Variants in C8orf34 observed in about 807,000 individuals in gnomAD.
C8orf34 encodes the protein uncharacterized protein C8orf34.
C8orf34 carries 65 observed loss-of-function variants against 68.3 expected under a neutral mutation model. The ratio of observed to expected loss-of-function variants is 0.95; its 90% confidence interval spans 0.78 to 1.17. The LOEUF is 1.17. Among genes scored for constraint, C8orf34 ranks in the 50% most tolerant of loss-of-function variants. The probability of loss-of-function intolerance (pLI) is 0.00; values close to 1 mark genes in which losing one functional copy is unlikely to be tolerated. For missense variants in C8orf34, 664 were observed against 655.4 expected (o/e 1.01, Z -0.14); for synonymous variants, 244 against 241.2 (o/e 1.01, Z -0.11).
At chr8:68,653,820 C>T (rs182290592) in intron 8 of C8orf34, among the ~76,000 whole-genome samples, 112 of 152,224 alleles carry the variant, frequency 7.4e-4, no homozygotes, top group Admixed American at 2.1e-3. Context: ...ACATAATGGG[C>T]TGACACATAC....
intron 7 of C8orf34, among the ~76,000 whole-genome samples, chr8:68,590,551 G>T (rs749342453): frequency 7.9e-5 from 12 of 152,078 alleles, no homozygotes; most frequent in Non-Finnish European, 1.6e-4. Context: ...GTGGGTAGAC[G>T]AAAGAGTCCT....
chr8:68,367,927 A>AAAAAAAAAAAAAAAAT (rs1807374981), intron 1 of C8orf34, among the ~76,000 whole-genome samples: 2 of 148,016 alleles, frequency 1.4e-5, no homozygotes, highest in Non-Finnish European at 3.0e-5. Context: ...AAAAAAAAAA[A>AAAAAAAAAAAAAAAAT]AAAAAAAAAA....
In C8orf34 at chr8:68,746,227, T is replaced by C. The variant is rs1245072688; in HGVS notation, c.1404+24790T>C. Among the ~76,000 whole-genome samples the C allele has an allele frequency of 5.9e-5, 9 of 151,444 alleles. No homozygotes were observed. The East Asian group carries it at 1.8e-3, about 29-fold the overall frequency. On this transcript the variant is annotated intron_variant, in intron 10 of 13. Coordinates refer to ENST00000518698, the MANE Select transcript of C8orf34 (RefSeq NM_052958.4). Reference sequence around the variant, plus strand: ...AACATACCAGAATCTCTCGGACACATTCAAAGCAGTGTGTAGAGGGAAATT... The same window carrying C: ...AACATACCAGAATCTCTCGGACACACTCAAAGCAGTGTGTAGAGGGAAATT...
At chr8:68,494,409 T>C (rs1813436530) in intron 5 of C8orf34, among the ~76,000 whole-genome samples, 1 of 151,848 alleles carries the variant, frequency 6.6e-6, no homozygotes, top group Admixed American at 6.6e-5. Context: ...GAGTGTAGAG[T>C]TTCATTTTGC....
chr8:68,691,648 G>A (rs755916296), intron 8 of C8orf34, among the ~76,000 whole-genome samples: 11 of 152,024 alleles, frequency 7.2e-5, no homozygotes, highest in Non-Finnish European at 1.3e-4. Context: ...TGTGGTTCAT[G>A]TTAGGGAAAA....
In C8orf34 at chr8:68,331,783, C is replaced by CTT. The variant is rs552564162; in HGVS notation, c.327+472_327+473dup. 3.1e-3 allele frequency among the ~76,000 whole-genome samples: 92 copies of CTT among 29,476 alleles called. 13 individuals are homozygous for CTT. Among genetic ancestry groups the CTT allele is most frequent in the East Asian group, 0.011 (16 of 1,460 alleles). The allele number at this position is 29,476 out of a possible 152,430, so 19.3% of individuals were successfully genotyped here. A position where few individuals can be genotyped will look rare whatever the true frequency, so the allele number is the denominator to read the frequency against. ...CTTTTTTCTTTTCTTTTCTTTCCTT[C>CTT]TTTTTTTTTTTTTTTTTTTTTTTTT... On this transcript the variant is annotated intron_variant, in intron 1 of 13. Transcript: ENST00000518698.
intron 8 of C8orf34, chr8:68,695,792 C>G (rs1373540700): frequency 6.6e-6 from 1 of 152,038 alleles, no homozygotes; most frequent in Non-Finnish European, 1.5e-5. Flanking sequence ...GTGTAATTTC[C>G]TTTGTACTTT....
At position 68,779,268 on chromosome 8, in the gene C8orf34, G is replaced by A. The variant is rs1435436822; in HGVS notation, c.1455+2819G>A. ...TAACTGGGAAGCAGCGTAGTATACT[G>A]GTTAAAAATCCCTTTATCATTAGTG... is the stretch of plus-strand genomic sequence containing the variant. On this transcript the variant is annotated intron_variant, in intron 11 of 13. Transcript: ENST00000518698. Among the ~76,000 whole-genome samples, 3 of 151,160 alleles carry A rather than the reference G, an allele frequency of 2.0e-5. No homozygotes were observed. In the East Asian group the frequency reaches 5.8e-4, roughly 29 times the overall value.
At chr8:68,653,107 G>A (rs1265980174) in intron 8 of C8orf34, among the ~76,000 whole-genome samples, 1 of 152,144 alleles carries the variant, frequency 6.6e-6, no homozygotes, top group African/African-American at 2.4e-5. Context: ...TATGTAATAA[G>A]TAAAACATAA....
At chr8:68,724,701 T>A (rs1205274872) in intron 10 of C8orf34, among the ~76,000 whole-genome samples, 2 of 152,144 alleles carry the variant, frequency 1.3e-5, no homozygotes, top group Non-Finnish European at 2.9e-5. Flanking sequence ...GTAAAGCCAT[T>A]TAGTAAACCA....
chr8:68,816,829 A>G (rs1353920269), intron 13 of C8orf34, among the ~76,000 whole-genome samples: 1 of 152,196 alleles, frequency 6.6e-6, no homozygotes, highest in African/African-American at 2.4e-5. Context: ...GAAAGCATGT[A>G]AAAAATAGAA....
intron 8 of C8orf34, among the ~76,000 whole-genome samples, chr8:68,656,537 A>C (rs952296008): frequency 1.3e-5 from 2 of 152,186 alleles, no homozygotes; most frequent in African/African-American, 4.8e-5. Context: ...GAAACTTACT[A>C]TTCATAATCT....
At chr8:68,472,237 C>T (rs1348041183) in intron 4 of C8orf34, among the ~76,000 whole-genome samples, 1 of 152,130 alleles carries the variant, frequency 6.6e-6, no homozygotes, top group African/African-American at 2.4e-5. Context: ...TGAGCCCTCA[C>T]TTTGTAGCAT....
chr8:68,593,731 C>A (rs1276966019), intron 7 of C8orf34, among the ~76,000 whole-genome samples: 6 of 151,786 alleles, frequency 4.0e-5, no homozygotes, highest in Non-Finnish European at 5.9e-5. Context: ...CAAAAAAGTA[C>A]CTTTTAGTTT....
chr8:68,577,483 C>A (rs1026612238), intron 7 of C8orf34, among the ~76,000 whole-genome samples: 2 of 151,646 alleles, frequency 1.3e-5, no homozygotes, highest in Admixed American at 1.3e-4. Flanking sequence ...TGGAAATTGC[C>A]AGAATATATT....
chr8:68,599,371 G>A lies in C8orf34; in HGVS notation c.1106-41005G>A, dbSNP rs147155172. Among the ~76,000 whole-genome samples, 541 of 152,084 alleles carry A rather than the reference G, an allele frequency of 3.6e-3. 6 individuals carry two copies. The highest frequency in any genetic ancestry group is 0.012 in the African/African-American group (519 of 41,528). ...AAATGCTAAGGAGTTGCTAAAATTT[G>A]TATGAAAACACAAAAATCTTAGCCG... On this transcript the variant is annotated intron_variant, in intron 7 of 13. Coordinates refer to ENST00000518698, the MANE Select transcript of C8orf34 (RefSeq NM_052958.4).
At chr8:68,548,277 C>CT (rs541686944) in intron 7 of C8orf34, among the ~76,000 whole-genome samples, 432 of 151,642 alleles carry the variant, frequency 2.8e-3, no homozygotes, top group African/African-American at 9.3e-3. Flanking sequence ...AAAATATATA[C>CT]AACATATTAA....
chr8:68,409,425 T>C (rs1460518055), intron 1 of C8orf34, among the ~76,000 whole-genome samples: 1 of 152,136 alleles, frequency 6.6e-6, no homozygotes, highest in Non-Finnish European at 1.5e-5. Context: ...ATGTGTGTGT[T>C]TGTGCCTTAG....
chr8:68,543,139 A>G (rs1815755062), intron 7 of C8orf34, among the ~76,000 whole-genome samples: 1 of 152,118 alleles, frequency 6.6e-6, no homozygotes, highest in South Asian at 2.1e-4. Context: ...TCAAATATGC[A>G]TATTATTAAT....
Sources: allele counts gnomAD v4.1 joint callset (sites outside exome capture counted in the v4.1 genomes callset), GRCh38; gene constraint gnomAD v4.1.1; transcripts MANE v1.5; gene names NCBI Gene and HGNC (gene_info 2026-07-23, HGNC 2026-07-21).